The following NARF variants were observed in gnomAD, a reference collection of about 807,000 sequenced individuals.
NARF encodes the protein iron-only hydrogenase-like protein 2.
NARF carries 41 observed loss-of-function variants against 48.0 expected under a neutral mutation model. The ratio of observed to expected loss-of-function variants is 0.85; its 90% CI spans 0.66 to 1.11. The LOEUF (loss-of-function observed/expected upper bound fraction) is 1.11, where lower values mean the gene tolerates loss of function less well. NARF is among the 50% of genes least tolerant of loss of function. The pLI is 0.00. For missense variants in NARF, 613 were observed against 590.2 expected (o/e 1.04, Z -0.40); for synonymous variants, 215 against 225.5 (o/e 0.95, Z 0.42).
At chr17:82,475,856 G>A (rs908522127) in intron 5 of NARF, among the ~76,000 whole-genome samples, 1 of 152,166 alleles carries the variant, frequency 6.6e-6, no homozygotes, top group African/African-American at 2.4e-5. Context: ...ACTTGAGAAG[G>A]TTCCATCCCA....
chr17:82,467,071 G>A (rs1190636400), intron 3 of NARF, among the ~76,000 whole-genome samples: 1 of 151,478 alleles, frequency 6.6e-6, no homozygotes, highest in Non-Finnish European at 1.5e-5. Context: ...TTTTGAGATG[G>A]AGTCTCACTC....
chr17:82,467,977 A>C (rs900749567), intron 3 of NARF, among the ~76,000 whole-genome samples: 2 of 152,182 alleles, frequency 1.3e-5, no homozygotes, highest in African/African-American at 4.8e-5. Flanking sequence ...TTGTTCTTGA[A>C]ATTGACAAAG....
chr17:82,481,365 C>T (rs901604797), intron 7 of NARF, 154 bp downstream of exon 7: 2 of 1,124,036 alleles, frequency 1.8e-6, no homozygotes, highest in African/African-American at 1.6e-5. Flanking sequence ...GTCCTAGGGG[C>T]TTAACTGCAG....
intron 7 of NARF, chr17:82,481,758 TC>T: frequency 2.3e-6 from 1 of 427,394 alleles, no homozygotes; most frequent in South Asian, 1.7e-5. Flanking sequence ...ATAAATCAGG[TC>T]CTGGGAGAAC....
chr17:82,472,994 G>A (rs1193101581), intron 5 of NARF, among the ~76,000 whole-genome samples: 1 of 151,894 alleles, frequency 6.6e-6, no homozygotes, highest in African/African-American at 2.4e-5. Flanking sequence ...AGGCTGGAGT[G>A]CAGTGGCACG....
chr17:82,483,191 C>T (rs1035708405), intron 7 of NARF: 11 of 292,336 alleles, frequency 3.8e-5, no homozygotes, highest in Admixed American at 1.5e-4. Context: ...TGGTAGTGCA[C>T]ACCTGTAATC....
At position 82,485,684 on chromosome 17, in the gene NARF, G is replaced by A. The variant is rs373186733; in HGVS notation, c.1129+30G>A. 54 of 1,611,818 alleles carry A rather than the reference G, an allele frequency of 3.4e-5. No individual in the cohort carries two copies. In the African/African-American group the frequency reaches 6.5e-4, roughly 20 times the overall value. ...GGCGCCAAGAGCAGCACCTGGCTCT[G>A]TCTCCCACGGGTGCTCAGGCCACAC... On this transcript the variant is annotated intron_variant, in intron 10 of 10. Coordinates refer to ENST00000309794, the MANE Select transcript of NARF (RefSeq NM_012336.4).
chr17:82,464,244 G>C, intron 2 of NARF, 43 bp from the exon 3 acceptor site: 11 of 1,598,774 alleles, frequency 6.9e-6, no homozygotes, highest in Middle Eastern at 1.7e-4. Context: ...GCACATTAAA[G>C]AGTATTTGTT....
At chr17:82,470,786 G>T (rs925998208) in intron 4 of NARF, among the ~76,000 whole-genome samples, 62 of 152,168 alleles carry the variant, frequency 4.1e-4, no homozygotes, top group African/African-American at 1.3e-3. Flanking sequence ...GAGCCACCGT[G>T]CCCAGCCTAA....
chr17:82,458,522 G>A, upstream of NARF: 1 of 393,980 alleles, frequency 2.5e-6, no homozygotes, highest in Non-Finnish European at 4.5e-6. Flanking sequence ...CGTGGAGTGA[G>A]CCTGCGGTCC....
Position 82,472,673 on chromosome 17 carries a change from G to C in NARF, c.495G>C (p.Leu165=). ...AGCACAGTGAGGAGGAACGCACCCT[G>C]CCCATGCTGACCTCTGCCTGTCCTG... ...YRQHSEEERT[L]PMLTSACPGW... is the part of the protein sequence containing the mutation. Residue 165 remains leucine, a synonymous_variant, in exon 5 of 11, where the codon CTG becomes CTC. Coordinates refer to ENST00000309794, the MANE Select transcript of NARF (RefSeq NM_012336.4). 2 of 1,613,690 alleles carry C rather than the reference G, an allele frequency of 1.2e-6. No individual in the cohort carries two copies. Among genetic ancestry groups the C allele is most frequent in the Non-Finnish European group, 1.7e-6 (2 of 1,179,886 alleles).
chr17:82,478,601 C>A, intron 5 of NARF, 199 bp from the exon 6 acceptor site: 1 of 663,668 alleles, frequency 1.5e-6, no homozygotes, highest in Non-Finnish European at 2.8e-6. Flanking sequence ...AGCCTCCAGG[C>A]CTGCAGGTTC....
At position 82,460,039 on chromosome 17, in the gene NARF, C is replaced by T. The variant is rs368518853; in HGVS notation, c.75C>T (p.Ala25=). 2.1e-5 allele frequency: 34 copies of T among 1,613,766 alleles called. No homozygotes were observed. The highest frequency in any genetic ancestry group is 1.5e-4 in the African/African-American group (11 of 74,856). The stretch of plus-strand genomic sequence containing the variant: ...CTGATGACCAAGAGAATGTGTCAGC[C>T]GATGCACCGAGTCCAGCCCAGGAAA... ...TKTDDQENVS[A]DAPSPAQENG... is the part of the protein sequence containing the mutation. Residue 25 remains alanine, a synonymous_variant, in exon 2 of 11, where the codon GCC becomes GCT. Coordinates refer to ENST00000309794, the MANE Select transcript of NARF (RefSeq NM_012336.4).
chr17:82,461,485 C>T (rs1172183067), intron 2 of NARF, among the ~76,000 whole-genome samples: 1 of 152,118 alleles, frequency 6.6e-6, no homozygotes. Context: ...GTGGTGCATG[C>T]CTGTAATCCC....
intron 1 of NARF, 177 bp downstream of exon 1, chr17:82,459,007 C>G: frequency 1.2e-5 from 14 of 1,211,012 alleles, no homozygotes; most frequent in Non-Finnish European, 1.4e-5. Flanking sequence ...GTCCGCTGCG[C>G]TCTGCAGGGC....
chr17:82,463,141 G>C (rs1404656892), intron 2 of NARF: 1 of 152,160 alleles, frequency 6.6e-6, no homozygotes, highest in East Asian at 1.9e-4. Context: ...GAAGGAGGAG[G>C]CACATCCATA....
At chr17:82,461,290 A>T (rs1344653641) in intron 2 of NARF, among the ~76,000 whole-genome samples, 2 of 151,948 alleles carry the variant, frequency 1.3e-5, no homozygotes. Context: ...TGTTTATTGG[A>T]TACATAACCT....
intron 2 of NARF, among the ~76,000 whole-genome samples, chr17:82,462,145 A>G (rs1372256754): frequency 6.6e-6 from 1 of 152,196 alleles, no homozygotes; most frequent in African/African-American, 2.4e-5. Flanking sequence ...TAACGTGTGT[A>G]CACAGCCTAA....
chr17:82,467,859 TTTA>T (rs1599825728), intron 3 of NARF, among the ~76,000 whole-genome samples: 2 of 152,228 alleles, frequency 1.3e-5, no homozygotes, highest in Admixed American at 6.5e-5. Flanking sequence ...GTCTGTTTTT[TTTA>T]TTGTTGTGTA....
Sources: allele counts gnomAD v4.1 joint callset (sites outside exome capture counted in the v4.1 genomes callset), GRCh38; gene constraint gnomAD v4.1.1; transcripts MANE v1.5; gene names NCBI Gene and HGNC (gene_info 2026-07-23, HGNC 2026-07-21).